Variants in STARD13 observed in about 807,000 individuals in gnomAD.
STARD13 encodes the protein StAR related lipid transfer domain containing 13.
A neutral mutation model predicts 106.4 loss-of-function variants in STARD13; 62 were observed. The ratio of observed to expected loss-of-function variants is 0.58; its 90% CI spans 0.48 to 0.72. STARD13 has a LOEUF of 0.72. STARD13 is among the 30% of genes least tolerant of loss of function. The probability of loss-of-function intolerance (pLI) is 0.00; values close to 1 mark genes in which losing one functional copy is unlikely to be tolerated. For synonymous variants in STARD13, 565 were observed against 553.0 expected (o/e 1.02, Z -0.31); for missense variants, 1,387 against 1,424.0 (o/e 0.97, Z 0.42).
the STARD13 span, among the ~76,000 whole-genome samples, chr13:33,411,657 T>C: frequency 6.6e-6 from 1 of 152,136 alleles, no homozygotes; most frequent in African/African-American, 2.4e-5. Context: ...AATAAAGAAG[T>C]ACTGATCTTT....
At chr13:33,511,551 C>T in the STARD13 span, 1 of 152,120 alleles carries the variant, frequency 6.6e-6, no homozygotes, top group South Asian at 2.1e-4. Context: ...TTGTATCCTA[C>T]TTACGTTTAA....
chr13:33,127,250 G>C (rs1877313151), intron 6 of STARD13, 123 bp downstream of exon 6: 1 of 1,088,336 alleles, frequency 9.2e-7, no homozygotes. Context: ...TTATGTCCAG[G>C]AGATCATCAG....
the STARD13 span, among the ~76,000 whole-genome samples, chr13:33,496,121 TTATAA>T: frequency 3.6e-5 from 5 of 139,242 alleles, no homozygotes; most frequent in African/African-American, 5.1e-5. Flanking sequence ...AATTTTATTT[TTATAA>T]TATATTTATA....
chr13:33,490,896 TG>T, the STARD13 span, among the ~76,000 whole-genome samples: 1 of 152,200 alleles, frequency 6.6e-6, no homozygotes, highest in Non-Finnish European at 1.5e-5. Context: ...GACATTACCA[TG>T]GGGCCAGAGC....
chr13:33,577,929 C>CA, the STARD13 span, among the ~76,000 whole-genome samples: 7 of 151,676 alleles, frequency 4.6e-5, no homozygotes, highest in South Asian at 2.1e-4. Flanking sequence ...AAAGACAAGA[C>CA]AAAAAAATCT....
the STARD13 span, among the ~76,000 whole-genome samples, chr13:33,544,384 C>T: frequency 1.1e-3 from 175 of 152,356 alleles, 1 homozygote; most frequent in Non-Finnish European, 1.9e-3. Flanking sequence ...GACTGTGCCA[C>T]TGCCTTTATT....
the STARD13 span, among the ~76,000 whole-genome samples, chr13:33,556,823 A>G: frequency 6.6e-6 from 1 of 152,076 alleles, no homozygotes; most frequent in Non-Finnish European, 1.5e-5. Context: ...GCTGGAGTGC[A>G]GTGGTGTGAT....
intron 1 of STARD13, among the ~76,000 whole-genome samples, chr13:33,187,201 G>A (rs1162548497): frequency 6.6e-6 from 1 of 152,238 alleles, no homozygotes; most frequent in Non-Finnish European, 1.5e-5. Context: ...GAGAATGACA[G>A]AGGGAGAGGG....
At chr13:33,202,885 G>A (rs1323837828) in intron 1 of STARD13, among the ~76,000 whole-genome samples, 1 of 152,112 alleles carries the variant, frequency 6.6e-6, no homozygotes, top group Non-Finnish European at 1.5e-5. Flanking sequence ...GGGACCTCTG[G>A]GGGCTCCAAA....
chr13:33,594,493 T>C, the STARD13 span, among the ~76,000 whole-genome samples: 3 of 152,080 alleles, frequency 2.0e-5, no homozygotes, highest in Non-Finnish European at 4.4e-5. Context: ...TTTAAAATTA[T>C]TTATTTTCTA....
At chr13:33,255,398 C>T (rs1890310861) in intron 1 of STARD13, among the ~76,000 whole-genome samples, 1 of 151,986 alleles carries the variant, frequency 6.6e-6, no homozygotes, top group African/African-American at 2.4e-5. Flanking sequence ...CCAGGCCCAC[C>T]CTCTCTAAAG....
chr13:33,394,996 A>G, the STARD13 span, among the ~76,000 whole-genome samples: 71 of 152,190 alleles, frequency 4.7e-4, 1 homozygote, highest in African/African-American at 1.7e-3. Context: ...TGTGTTCTCT[A>G]AAATGTTTTA....
At chr13:33,412,325 T>G in the STARD13 span, among the ~76,000 whole-genome samples, 1 of 152,020 alleles carries the variant, frequency 6.6e-6, no homozygotes, top group African/African-American at 2.4e-5. Context: ...AAAATAGCTA[T>G]GCAACGAGAT....
chr13:33,476,903 C>G, the STARD13 span, among the ~76,000 whole-genome samples: 1 of 152,130 alleles, frequency 6.6e-6, no homozygotes, highest in Non-Finnish European at 1.5e-5. Context: ...GTCTTCAGAC[C>G]TGGGAGAAGG....
the STARD13 span, among the ~76,000 whole-genome samples, chr13:33,370,619 CTTT>C: frequency 1.5e-5 from 2 of 131,610 alleles, no homozygotes; most frequent in Non-Finnish European, 3.2e-5. Flanking sequence ...TTCTTTCTTT[CTTT>C]TTTTTTTTTT....
chr13:33,541,451 C>G, the STARD13 span, among the ~76,000 whole-genome samples: 1 of 152,284 alleles, frequency 6.6e-6, no homozygotes, highest in East Asian at 1.9e-4. Context: ...CAATATCCCC[C>G]TAACTTCTAC....
At chr13:33,621,958 C>T in the STARD13 span, among the ~76,000 whole-genome samples, 2 of 151,572 alleles carry the variant, frequency 1.3e-5, no homozygotes, top group African/African-American at 4.8e-5. Flanking sequence ...GTGCCCACCA[C>T]CACGCCCGGC....
chr13:33,176,976 C>T (rs1395256637), intron 1 of STARD13, among the ~76,000 whole-genome samples: 3 of 152,124 alleles, frequency 2.0e-5, no homozygotes, highest in Admixed American at 6.5e-5. Context: ...TTATAATTAT[C>T]GTCACAAAAT....
chr13:33,626,344 A>G, the STARD13 span, among the ~76,000 whole-genome samples: 9 of 152,218 alleles, frequency 5.9e-5, no homozygotes, highest in African/African-American at 1.9e-4. Context: ...AAACCATTCT[A>G]TTATTTCTAC....
Sources: gnomAD v4.1 joint callset for allele counts (sites outside exome capture counted in the v4.1 genomes callset) on GRCh38, gnomAD v4.1.1 for gene constraint, MANE v1.5 for transcripts, NCBI Gene and HGNC (gene_info 2026-07-23, HGNC 2026-07-21) for gene names.